The following EPB41L5 variants were observed in gnomAD, a reference collection of about 807,000 sequenced individuals.
EPB41L5 encodes band 4.1-like protein 5.
In EPB41L5, 55 loss-of-function variants were observed where a neutral mutation model predicts 106.6. The ratio of observed to expected loss-of-function variants is 0.52; its 90% CI spans 0.42 to 0.65. The LOEUF is 0.65. Among genes scored for constraint, EPB41L5 ranks in the 30% least tolerant of loss-of-function variants. The pLI is 0.00. For synonymous variants in EPB41L5, 297 were observed against 306.7 expected (o/e 0.97, Z 0.33); for missense variants, 871 against 882.1 (o/e 0.99, Z 0.16).
chr2:120,046,077 T>A (rs1217922582), intron 3 of EPB41L5, among the ~76,000 whole-genome samples: 1 of 152,222 alleles, frequency 6.6e-6, no homozygotes, highest in Non-Finnish European at 1.5e-5. Context: ...TTGGGTTGGT[T>A]CCAAGTCTTT....
At position 120,074,146 on chromosome 2, in the gene EPB41L5, A is replaced by G; in HGVS notation, c.375A>G (p.Ser125=). Reference sequence around the variant, plus strand: ...ATCTTCGAGTTAAGTTTTATTCCTCAGAACCAAATAACCTTCGTGAGGAGC... The same window carrying G: ...ATCTTCGAGTTAAGTTTTATTCCTCGGAACCAAATAACCTTCGTGAGGAGC... The part of the protein sequence containing the change: ...CLHLRVKFYS[S]EPNNLREELT... The change falls in exon 5 of 25, where the codon TCA becomes TCG. Residue 125 remains serine (S), a synonymous_variant. Coordinates refer to ENST00000263713, the MANE Select transcript of EPB41L5 (RefSeq NM_020909.4). 6.2e-7 allele frequency: 1 copy of G among 1,613,008 alleles called. No individual in the cohort carries two copies. Among genetic ancestry groups the G allele is most frequent in the Non-Finnish European group, 8.5e-7 (1 of 1,179,494 alleles).
At chr2:120,169,589 C>T (rs1157148537) in intron 24 of EPB41L5, among the ~76,000 whole-genome samples, 1 of 152,154 alleles carries the variant, frequency 6.6e-6, no homozygotes, top group African/African-American at 2.4e-5. Context: ...TCCATCCCTC[C>T]TTCTGTCTCT....
chr2:120,144,218 A>ATTTT (rs1558903961), intron 19 of EPB41L5, among the ~76,000 whole-genome samples: 1 of 152,176 alleles, frequency 6.6e-6, no homozygotes, highest in Non-Finnish European at 1.5e-5. Flanking sequence ...TAGTGCTCTT[A>ATTTT]TAAAAGAGCC....
At chr2:120,064,976 G>A (rs1558840001) in intron 3 of EPB41L5, among the ~76,000 whole-genome samples, 2 of 152,270 alleles carry the variant, frequency 1.3e-5, no homozygotes, top group South Asian at 4.1e-4. Context: ...TTTAACATGT[G>A]TTTGATGCTT....
intron 9 of EPB41L5, 141 bp downstream of exon 9, chr2:120,077,457 G>A (rs1356351331): frequency 3.9e-6 from 2 of 516,930 alleles, no homozygotes; most frequent in African/African-American, 3.9e-5. Flanking sequence ...TAAAAAGTTT[G>A]AGATTAAATA....
intron 4 of EPB41L5, 84 bp downstream of exon 4, chr2:120,073,304 C>A: frequency 8.4e-7 from 1 of 1,196,470 alleles, no homozygotes; most frequent in South Asian, 1.3e-5. Context: ...TGTAAGAAAT[C>A]ATGTTTCAGA....
At chr2:120,036,660 A>G (rs541730928) in intron 2 of EPB41L5, among the ~76,000 whole-genome samples, 15 of 152,330 alleles carry the variant, frequency 9.8e-5, no homozygotes, top group African/African-American at 3.4e-4. Flanking sequence ...TTTCTAAAAG[A>G]TATTAACAAC....
At chr2:120,041,327 C>T (rs963537535) in intron 2 of EPB41L5, among the ~76,000 whole-genome samples, 2 of 152,030 alleles carry the variant, frequency 1.3e-5, no homozygotes, top group Non-Finnish European at 2.9e-5. Flanking sequence ...AAACCTAGGA[C>T]CTCATGAATC....
chr2:120,054,581 G>A (rs1680509864), intron 3 of EPB41L5, among the ~76,000 whole-genome samples: 1 of 150,454 alleles, frequency 6.6e-6, no homozygotes, highest in Non-Finnish European at 1.5e-5. Flanking sequence ...TCGGCTCACT[G>A]CAACTCCGCC....
At chr2:120,117,925 G>T (rs536087586) in intron 16 of EPB41L5, among the ~76,000 whole-genome samples, 1 of 151,940 alleles carries the variant, frequency 6.6e-6, no homozygotes, top group East Asian at 1.9e-4. Context: ...TGGATAATTG[G>T]GATATTAACT....
rs1448413968 is a variant in EPB41L5 at position 120,127,749 on chromosome 2, G to A, written c.1399G>A (p.Val467Ile). The change falls in exon 17 of 25, where the codon GTA (valine) becomes ATA (isoleucine). Residue 467 changes from valine (V) to isoleucine (I), a missense_variant. Physicochemically the swap from Val to Ile is conservative, Grantham distance 29. Transcript: ENST00000263713. ...CTTATTGGAAGCAACGATTGGTGAT[G>A]TAATTGGGGCATCTGACACTATGGA... ...PDLLEATIGD[V>I]IGASDTMETS... is the part of the protein sequence containing the mutation. 1.2e-6 allele frequency: 2 copies of A among 1,613,746 alleles called. No homozygotes were observed. The highest frequency in any genetic ancestry group is 1.7e-5 in the Admixed American group (1 of 60,016).
intron 2 of EPB41L5, among the ~76,000 whole-genome samples, chr2:120,040,625 A>T (rs1413162465): frequency 6.6e-6 from 1 of 152,214 alleles, no homozygotes; most frequent in Non-Finnish European, 1.5e-5. Flanking sequence ...TAATGTACAC[A>T]TGTAAGGCAT....
chr2:120,082,985 T>C (rs1046844690), intron 10 of EPB41L5, among the ~76,000 whole-genome samples: 7 of 152,200 alleles, frequency 4.6e-5, no homozygotes, highest in Non-Finnish European at 5.9e-5. Context: ...TCTATTTGAT[T>C]CTTCTCTCTT....
chr2:120,062,865 T>G (rs1395067796), intron 3 of EPB41L5, among the ~76,000 whole-genome samples: 2 of 147,514 alleles, frequency 1.4e-5, no homozygotes, highest in African/African-American at 4.9e-5. Flanking sequence ...ATGGACTGAA[T>G]ACCACAGAGG....
intron 16 of EPB41L5, among the ~76,000 whole-genome samples, chr2:120,119,693 G>A (rs191653262): frequency 6.6e-6 from 1 of 151,922 alleles, no homozygotes; most frequent in African/African-American, 2.4e-5. Context: ...TCAGCAAGAC[G>A]GTGTAACGTA....
At position 120,077,083 on chromosome 2, in the gene EPB41L5, G is replaced by A. The variant is rs1682292623; in HGVS notation, c.618G>A (p.Lys206=). 1 of 1,610,608 alleles carries A rather than the reference G, an allele frequency of 6.2e-7. No individual in the cohort carries two copies. Among genetic ancestry groups the A allele is most frequent in the Non-Finnish European group, 8.5e-7 (1 of 1,178,736 alleles). Reference sequence around the variant, plus strand: ...AACTGGCTATTTTTGAGAAATGGAAGGAATACAGGTATCTGGCGTTTGACC... The same window carrying A: ...AACTGGCTATTTTTGAGAAATGGAAAGAATACAGGTATCTGGCGTTTGACC... ...EMELAIFEKW[K]EYRGQTPAQA... The change falls in exon 8 of 25, where the codon AAG becomes AAA. Residue 206 remains lysine, a synonymous_variant. Coordinates refer to ENST00000263713, the MANE Select transcript of EPB41L5 (RefSeq NM_020909.4).
chr2:120,018,011 G>T (rs1256002589), intron 1 of EPB41L5, among the ~76,000 whole-genome samples: 9 of 151,000 alleles, frequency 6.0e-5, no homozygotes, highest in Admixed American at 5.9e-4. Context: ...GCCCAGGCTG[G>T]AGTACCGTGG....
intron 2 of EPB41L5, among the ~76,000 whole-genome samples, chr2:120,029,935 C>T (rs976890613): frequency 4.6e-5 from 7 of 152,122 alleles, no homozygotes; most frequent in East Asian, 1.9e-4. Context: ...GAGTTATTGA[C>T]GGCTTTTTCC....
At chr2:120,058,672 A>T (rs1163861592) in intron 3 of EPB41L5, among the ~76,000 whole-genome samples, 1 of 152,218 alleles carries the variant, frequency 6.6e-6, no homozygotes, top group Non-Finnish European at 1.5e-5. Context: ...TTGCTGTTAA[A>T]TAGGTTTGTT....
Sources: allele counts gnomAD v4.1 joint callset (sites outside exome capture counted in the v4.1 genomes callset), GRCh38; gene constraint gnomAD v4.1.1; transcripts MANE v1.5; gene names NCBI Gene and HGNC (gene_info 2026-07-23, HGNC 2026-07-21).